The following DOCK5 variants were observed in gnomAD, a reference collection of about 807,000 sequenced individuals.
DOCK5 encodes dedicator of cytokinesis 5.
In DOCK5, 142 loss-of-function variants were observed where a neutral mutation model predicts 251.8. The observed-to-expected ratio is 0.56, with a 90% CI of 0.49 to 0.65. DOCK5 has a LOEUF of 0.65. Ranked by LOEUF, DOCK5 falls within the 30% of genes least tolerant of loss-of-function variation. DOCK5 has a pLI of 0.00. For synonymous variants in DOCK5, 842 were observed against 835.5 expected (o/e 1.01, Z -0.13); for missense variants, 2,111 against 2,312.3 (o/e 0.91, Z 1.79).
intron 1 of DOCK5, among the ~76,000 whole-genome samples, chr8:25,225,259 G>T (rs900405682): frequency 3.3e-5 from 5 of 152,136 alleles, no homozygotes; most frequent in Admixed American, 2.0e-4. Flanking sequence ...ATATCCAAAA[G>T]AACTGAAAGC....
chr8:25,409,196 C>T lies in DOCK5; in HGVS notation c.5404+256C>T, dbSNP rs571936284. Among the ~76,000 whole-genome samples, 4 of 152,330 alleles carry T rather than the reference C, an allele frequency of 2.6e-5. No homozygotes were observed. The South Asian group carries it at 8.3e-4, about 32-fold the overall frequency. On this transcript the variant is annotated intron_variant, in intron 50 of 51. Coordinates refer to ENST00000276440, the MANE Select transcript of DOCK5 (RefSeq NM_024940.8). The stretch of plus-strand genomic sequence containing the variant: ...TTGTGAAGGTATAAATGAGGCAGAT[C>T]TGCACTAGGACTAGACAGATAACAA...
intron 2 of DOCK5, among the ~76,000 whole-genome samples, chr8:25,262,568 A>C (rs1218947932): frequency 1.3e-5 from 2 of 152,158 alleles, no homozygotes; most frequent in African/African-American, 4.8e-5. Flanking sequence ...TATGTTTATA[A>C]ATTTAAACAT....
At chr8:25,308,335 T>A (rs989736560) in intron 11 of DOCK5, among the ~76,000 whole-genome samples, 1 of 152,066 alleles carries the variant, frequency 6.6e-6, no homozygotes, top group African/African-American at 2.4e-5. Context: ...GACAGGAGCC[T>A]TAACAGGCAT....
intron 45 of DOCK5, among the ~76,000 whole-genome samples, 194 bp from the exon 46 acceptor site, chr8:25,399,717 T>G (rs1586395946): frequency 6.6e-6 from 1 of 152,208 alleles, no homozygotes. Flanking sequence ...AATTTGCTAA[T>G]TAAGGAAAGA....
chr8:25,334,249 T>C (rs1357382537), intron 21 of DOCK5, 53 bp downstream of exon 21: 4 of 1,425,702 alleles, frequency 2.8e-6, no homozygotes, highest in Non-Finnish European at 4.0e-6. Context: ...ATTTGTACTC[T>C]TAGGACTGGA....
At chr8:25,243,619 G>T (rs184284715) in intron 1 of DOCK5, 55 bp from the exon 2 acceptor site, 21 of 1,540,866 alleles carry the variant, frequency 1.4e-5, no homozygotes, top group Middle Eastern at 1.7e-4. Context: ...GTGAGCCACC[G>T]TGCCCAGCCA....
intron 47 of DOCK5, among the ~76,000 whole-genome samples, chr8:25,403,098 C>A (rs1801465494): frequency 6.6e-6 from 1 of 152,018 alleles, no homozygotes; most frequent in African/African-American, 2.4e-5. Context: ...GGGGGTAATC[C>A]TACTGGTGAC....
At chr8:25,388,965 G>A (rs2709602) in intron 40 of DOCK5, 126 bp from the exon 41 acceptor site, 821,501 of 846,786 alleles carry the variant, frequency 0.97, 402,000 homozygotes, top group East Asian at 1. Context: ...TAGATTTTCA[G>A]TGAGAACTTG....
intron 1 of DOCK5, among the ~76,000 whole-genome samples, chr8:25,214,421 C>A (rs1484658089): frequency 6.6e-6 from 1 of 152,076 alleles, no homozygotes; most frequent in Non-Finnish European, 1.5e-5. Flanking sequence ...GTGGGGAAGC[C>A]ATTTCTGAGC....
chr8:25,259,487 G>A (rs1374267005), intron 2 of DOCK5, among the ~76,000 whole-genome samples: 1 of 151,968 alleles, frequency 6.6e-6, no homozygotes, highest in Non-Finnish European at 1.5e-5. Flanking sequence ...AGGCAGTCTT[G>A]CTCTATCACC....
chr8:25,208,650 A>G (rs561480540), intron 1 of DOCK5, among the ~76,000 whole-genome samples: 2 of 152,310 alleles, frequency 1.3e-5, no homozygotes, highest in African/African-American at 4.8e-5. Context: ...GCTATTACAC[A>G]CTTAATTGAC....
At chr8:25,347,122 A>G (rs1486958027) in intron 26 of DOCK5, among the ~76,000 whole-genome samples, 1 of 152,242 alleles carries the variant, frequency 6.6e-6, no homozygotes, top group African/African-American at 2.4e-5. Context: ...ACCAAAGGAT[A>G]TGAATACTAC....
chr8:25,382,894 G>A lies in DOCK5; in HGVS notation c.4131+116G>A, dbSNP rs958642435. ...CCGACCCGTGTTCTCGCTGTGGGAG[G>A]TAGGGGAGGGAAACCACTTCCTGAG... On this transcript the variant is annotated intron_variant, in intron 40 of 51. Transcript: ENST00000276440. 3 of 826,246 alleles carry A rather than the reference G, an allele frequency of 3.6e-6. No individual in the cohort carries two copies. The African/African-American group carries it at 5.2e-5, about 14-fold the overall frequency. The allele number at this position is 826,246 out of a possible 1,614,324, so 51.2% of individuals were successfully genotyped here.
chr8:25,220,149 A>G (rs575617419), intron 1 of DOCK5, among the ~76,000 whole-genome samples: 51 of 151,392 alleles, frequency 3.4e-4, no homozygotes, highest in Non-Finnish European at 6.3e-4. Flanking sequence ...TTTTTCTGCC[A>G]GGTTTTGTTT....
At chr8:25,279,975 G>A (rs1804146590) in intron 5 of DOCK5, among the ~76,000 whole-genome samples, 1 of 152,138 alleles carries the variant, frequency 6.6e-6, no homozygotes. Context: ...ATGCTGGGCA[G>A]GCTGGTCTTG....
Position 25,368,711 on chromosome 8 carries a change from G to T in DOCK5, c.3424G>T (p.Gly1142Cys). The T allele has an allele frequency of 6.2e-7, 1 of 1,612,744 alleles. No homozygotes were observed. The change falls in exon 33 of 52, where the codon GGC (glycine) becomes TGC (cysteine). Residue 1142 changes from glycine (G) to cysteine (C), a missense_variant. Gly to Cys is a radical substitution (Grantham distance 159). Around this residue, in one of 3 missense-constraint regions of DOCK5, gnomAD observed 1,717 missense variants for 1,892.4 expected, o/e 0.91. Coordinates refer to ENST00000276440, the MANE Select transcript of DOCK5 (RefSeq NM_024940.8). ...GTGTGAGTTCAATTTCAGTGGAAATGGCAATTTCCATATGGTAAGAAGTGG... is the reference window on the plus strand; with the variant it reads ...GTGTGAGTTCAATTTCAGTGGAAATTGCAATTTCCATATGGTAAGAAGTGG... The part of the protein sequence containing the change: ...MQCEFNFSGN[G>C]NFHMFENELI...
In DOCK5 at chr8:25,380,379, C is replaced by A. The variant is rs146099093; in HGVS notation, c.4011C>A (p.Gly1337=). The change falls in exon 39 of 52, where the codon GGC becomes GGA. Residue 1337 remains glycine (G), a synonymous_variant. Transcript: ENST00000276440. ...AAAGCAAAGTATTTGACTACGAGGG[C>A]CTTGGCAACCTCCTGGTGAGTCTGG... The part of the protein sequence containing the change: ...TYESKVFDYE[G]LGNLLKKRAS... 41 of 1,609,294 alleles carry A rather than the reference C, an allele frequency of 2.5e-5. No individual in the cohort carries two copies. The highest frequency in any genetic ancestry group is 1.3e-4 in the African/African-American group (10 of 74,982).
chr8:25,209,196 T>C (rs1277585447), intron 1 of DOCK5, among the ~76,000 whole-genome samples: 3 of 18,656 alleles, frequency 1.6e-4, no homozygotes, highest in Non-Finnish European at 1.3e-3. Context: ...CATCCCTGTC[T>C]GATGTTCTCA....
chr8:25,323,791 G>C, intron 16 of DOCK5, 57 bp from the exon 17 acceptor site: 1 of 1,563,784 alleles, frequency 6.4e-7, no homozygotes, highest in African/African-American at 1.4e-5. Context: ...TCGTGTCATA[G>C]CCATCGCCTC....
Sources: allele counts gnomAD v4.1 joint callset (sites outside exome capture counted in the v4.1 genomes callset), GRCh38; gene constraint gnomAD v4.1.1; regional missense constraint gnomAD v4.1.1; transcripts MANE v1.5; gene names NCBI Gene and HGNC (gene_info 2026-07-23, HGNC 2026-07-21).